The following TTC7A variants were observed in gnomAD, a reference collection of about 807,000 sequenced individuals.
TTC7A encodes the protein tetratricopeptide repeat protein 7A.
A neutral mutation model predicts 103.7 loss-of-function variants in TTC7A; 110 were observed. That is an observed-to-expected ratio of 1.06 (90% CI 0.91 to 1.24). TTC7A has a LOEUF of 1.24. TTC7A is among the 50% of genes most tolerant of loss of function. The pLI is 0.00. For synonymous variants in TTC7A, 521 were observed against 467.9 expected (o/e 1.11, Z -1.47); for missense variants, 1,340 against 1,116.3 (o/e 1.20, Z -2.86).
At chr2:47,054,096 C>T (rs1289742365) in intron 18 of TTC7A, 2 of 984,914 alleles carry the variant, frequency 2.0e-6, no homozygotes, top group Non-Finnish European at 2.4e-6. Flanking sequence ...TAGATATTCA[C>T]TCCACAGAAG....
At chr2:47,034,693 GAACA>G (rs1261975170) in intron 15 of TTC7A, among the ~76,000 whole-genome samples, 2 of 152,134 alleles carry the variant, frequency 1.3e-5, no homozygotes, top group Non-Finnish European at 2.9e-5. Flanking sequence ...GTCAAGGGAA[GAACA>G]AACAATTTCC....
chr2:47,028,656 C>A (rs770684059), intron 14 of TTC7A, among the ~76,000 whole-genome samples: 152 of 152,360 alleles, frequency 1.0e-3, no homozygotes, highest in Non-Finnish European at 1.5e-3. Flanking sequence ...CCTGCATAAT[C>A]TGGCCTCATC....
At chr2:46,973,911 C>T (rs1406859683) in intron 3 of TTC7A, among the ~76,000 whole-genome samples, 1 of 152,106 alleles carries the variant, frequency 6.6e-6, no homozygotes, top group African/African-American at 2.4e-5. Flanking sequence ...GGAGGTTTCC[C>T]CAAAACAAGA....
intron 2 of TTC7A, chr2:46,951,488 TA>T (rs955244434): frequency 2.9e-4 from 127 of 437,560 alleles, no homozygotes; most frequent in Admixed American, 8.3e-4. Flanking sequence ...GGGGAGGGGG[TA>T]AAAAAAAACT....
At chr2:47,053,967 G>C (rs1683113188) in intron 18 of TTC7A, 1 of 240,302 alleles carries the variant, frequency 4.2e-6, no homozygotes, top group African/African-American at 2.3e-5. Context: ...AGCATGTGCT[G>C]ATAACTCCAA....
intron 3 of TTC7A, among the ~76,000 whole-genome samples, chr2:46,961,339 G>C (rs2104069673): frequency 6.6e-6 from 1 of 152,170 alleles, no homozygotes; most frequent in Non-Finnish European, 1.5e-5. Context: ...CACATTGGGA[G>C]GCCGAGGTGG....
At position 47,069,792 on chromosome 2, in the gene TTC7A, G is replaced by A. The variant is rs567354169; in HGVS notation, c.2356-3910G>A. On this transcript the variant is annotated intron_variant, in intron 19 of 19. Transcript: ENST00000319190. ...GGGTGTGTCTATGTTCCAGGGTGGC[G>A]TTAGGGAGGGCCCTTTCTGTAGAGC... Among the ~76,000 whole-genome samples the A allele has an allele frequency of 1.3e-4, 20 of 152,302 alleles. 1 individual carries two copies. The highest frequency in any genetic ancestry group is 6.8e-3 in the Middle Eastern group (2 of 294).
At chr2:47,005,466 A>G (rs995864969) in intron 8 of TTC7A, among the ~76,000 whole-genome samples, 6 of 152,194 alleles carry the variant, frequency 3.9e-5, no homozygotes, top group African/African-American at 1.2e-4. Context: ...CAAAAATGCC[A>G]GTGTCATGAG....
At position 46,941,785 on chromosome 2, in the gene TTC7A, C is replaced by G; in HGVS notation, c.184+60C>G. 6.5e-7 allele frequency: 1 copy of G among 1,541,684 alleles called. No individual in the cohort carries two copies. The highest frequency in any genetic ancestry group is 8.8e-7 in the Non-Finnish European group (1 of 1,141,800). ...AGCGCGCGAAACGCACCGCCTCCTC[C>G]AGGAAGCGCGCCCAGACAGTCCTCG... On this transcript the variant is annotated intron_variant, in intron 1 of 19. Coordinates refer to ENST00000319190, the MANE Select transcript of TTC7A (RefSeq NM_020458.4). The surrounding 1 kb of genome is among the most constrained non-coding windows in gnomAD (Gnocchi z 4.2).
chr2:46,956,803 G>A, intron 2 of TTC7A, 36 bp from the exon 3 acceptor site: 1 of 1,611,802 alleles, frequency 6.2e-7, no homozygotes, highest in African/African-American at 1.3e-5. Flanking sequence ...AGGTAACTTT[G>A]GGGCAGGCGC....
At chr2:46,950,305 C>T in intron 1 of TTC7A, 58 bp from the exon 2 acceptor site, 1 of 1,598,718 alleles carries the variant, frequency 6.3e-7, no homozygotes, top group Non-Finnish European at 8.5e-7. Flanking sequence ...GTGTGCAACT[C>T]CCTCCATTAT....
At chr2:47,043,642 C>A (rs927323788) in intron 15 of TTC7A, among the ~76,000 whole-genome samples, 1 of 152,126 alleles carries the variant, frequency 6.6e-6, no homozygotes, top group African/African-American at 2.4e-5. Context: ...CCTCTGGCAG[C>A]GCTCACCTGC....
chr2:47,060,035 G>A lies in TTC7A; in HGVS notation c.2153-734G>A, dbSNP rs1011780375. On this transcript the variant is annotated intron_variant, in intron 18 of 19. Coordinates refer to ENST00000319190, the MANE Select transcript of TTC7A (RefSeq NM_020458.4). Reference sequence around the variant, plus strand: ...TAGCTGGGCATGTTGGCACATGTCTGTAGTCCCAGCTACTCTGGAGACTGA... The same window carrying A: ...TAGCTGGGCATGTTGGCACATGTCTATAGTCCCAGCTACTCTGGAGACTGA... Among the ~76,000 whole-genome samples the A allele has an allele frequency of 1.3e-5, 2 of 152,116 alleles. 1 individual carries two copies. The highest frequency in any genetic ancestry group is 2.9e-5 in the Non-Finnish European group (2 of 68,028).
chr2:46,997,168 G>A (rs544364096), intron 8 of TTC7A, among the ~76,000 whole-genome samples: 1 of 152,020 alleles, frequency 6.6e-6, no homozygotes. Context: ...TAGTAGAGAC[G>A]GGGTTTCACC....
chr2:46,991,295 G>A (rs1474528029), intron 5 of TTC7A, among the ~76,000 whole-genome samples: 1 of 152,086 alleles, frequency 6.6e-6, no homozygotes, highest in African/African-American at 2.4e-5. Context: ...GGATACGGAC[G>A]CTGCTAGTCC....
At position 46,941,864 on chromosome 2, in the gene TTC7A, C is replaced by T. The variant is rs6755303; in HGVS notation, c.184+139C>T. 146,158 of 1,116,850 alleles carry T rather than the reference C, an allele frequency of 0.13. 10,999 individuals carry two copies. Among genetic ancestry groups the T allele is most frequent in the African/African-American group, 0.29 (18,171 of 63,616 alleles). 69.2% of individuals were successfully genotyped at this position (1,116,850 alleles called of 1,614,324 possible). ...GTGCTAGTCTTAAGAGCAGCCAGGGCAGTTAGGAAGGTCCTTCTGCCGCGA... is the reference window on the plus strand; with the variant it reads ...GTGCTAGTCTTAAGAGCAGCCAGGGTAGTTAGGAAGGTCCTTCTGCCGCGA... On this transcript the variant is annotated intron_variant, in intron 1 of 19. Coordinates refer to ENST00000319190, the MANE Select transcript of TTC7A (RefSeq NM_020458.4). The surrounding 1 kb of genome is among the most constrained non-coding windows in gnomAD (Gnocchi z 4.2).
chr2:46,974,616 A>AG (rs1301647533), intron 3 of TTC7A: 2 of 455,552 alleles, frequency 4.4e-6, no homozygotes, highest in Admixed American at 4.7e-5. Flanking sequence ...ATGGGGAACT[A>AG]GGGAAAAGGA....
At chr2:46,922,909 A>T (rs573021283) in intron 2 of TTC7A, among the ~76,000 whole-genome samples, 5 of 152,214 alleles carry the variant, frequency 3.3e-5, no homozygotes, top group Non-Finnish European at 7.4e-5. Context: ...ACCAGTCGCA[A>T]GTCCAAGGCC....
rs146803024 is a variant in TTC7A at position 46,995,459 on chromosome 2, C to T, written c.1065+260C>T. Reference sequence around the variant, plus strand: ...GACTGAGTGCCTAAGTCCCCACCCACCTCTTTTGGGATTAAAAAGATGATC... The same window carrying T: ...GACTGAGTGCCTAAGTCCCCACCCATCTCTTTTGGGATTAAAAAGATGATC... On this transcript the variant is annotated intron_variant, in intron 8 of 19. Transcript: ENST00000319190. 7.9e-5 allele frequency among the ~76,000 whole-genome samples: 12 copies of T among 152,340 alleles called. No homozygotes were observed. In the East Asian group the frequency reaches 2.1e-3, roughly 27 times the overall value.
Sources: allele counts gnomAD v4.1 joint callset (sites outside exome capture counted in the v4.1 genomes callset), GRCh38; gene constraint gnomAD v4.1.1; non-coding constraint Gnocchi (gnomAD v3.1); transcripts MANE v1.5; gene names NCBI Gene and HGNC (gene_info 2026-07-23, HGNC 2026-07-21).